The following MTMR3 variants were observed in gnomAD, a reference collection of about 807,000 sequenced individuals.
MTMR3 encodes myotubularin related protein 3.
Under a neutral mutation model 132.4 loss-of-function variants are expected in MTMR3, and 32 were observed. That is an observed-to-expected ratio of 0.24 (90% CI 0.18 to 0.32). MTMR3 has a LOEUF of 0.32. Among genes scored for constraint, MTMR3 ranks in the 10% least tolerant of loss-of-function variants. The probability of loss-of-function intolerance (pLI) is 1.00; values close to 1 mark genes in which losing one functional copy is unlikely to be tolerated. For synonymous variants in MTMR3, 556 were observed against 550.3 expected (o/e 1.01, Z -0.14); for missense variants, 1,216 against 1,489.6 (o/e 0.82, Z 3.02).
Position 29,991,764 on chromosome 22 carries a change from A to C in MTMR3, c.460+94A>C, listed in dbSNP as rs759973595. On this transcript the variant is annotated intron_variant, in intron 7 of 19. Transcript: ENST00000401950. ...TGAAATGGGACACCTAAGCATTCAT[A>C]TATCAATCAGTGTATATTTTAAGGA... 6.7e-5 allele frequency: 87 copies of C among 1,305,072 alleles called. 3 individuals are homozygous for C. In the Middle Eastern group the frequency reaches 0.011, roughly 164 times the overall value. The allele number at this position is 1,305,072 out of a possible 1,614,324, so 80.8% of individuals were successfully genotyped here. A position where few individuals can be genotyped will look rare whatever the true frequency, so the allele number is the denominator to read the frequency against.
intron 1 of MTMR3, among the ~76,000 whole-genome samples, chr22:29,915,206 TATA>T (rs1453236758): frequency 1.3e-5 from 2 of 152,224 alleles, no homozygotes; most frequent in Non-Finnish European, 2.9e-5. Flanking sequence ...TTCATTCTTT[TATA>T]ATGACTTGTC....
chr22:30,023,528 A>T (rs1426081975), intron 19 of MTMR3: 14 of 1,608,296 alleles, frequency 8.7e-6, no homozygotes, highest in Non-Finnish European at 1.2e-5. Flanking sequence ...CACATCTACA[A>T]TAACTTCTCC....
chr22:29,926,273 C>T (rs1012165160), intron 1 of MTMR3, among the ~76,000 whole-genome samples: 15 of 151,970 alleles, frequency 9.9e-5, no homozygotes, highest in Admixed American at 6.6e-4. Context: ...ATGGATATAC[C>T]ACATTTTGTT....
intron 1 of MTMR3, among the ~76,000 whole-genome samples, chr22:29,947,226 A>T (rs190163018): frequency 9.2e-4 from 140 of 152,230 alleles, no homozygotes; most frequent in African/African-American, 3.3e-3. Context: ...AATGATTTTT[A>T]TGTTGGAAAA....
intron 14 of MTMR3, chr22:30,014,222 C>A (rs962745302): frequency 9.2e-5 from 14 of 152,234 alleles, no homozygotes; most frequent in African/African-American, 3.4e-4. Context: ...AAACCCACTT[C>A]AATCAGGCAT....
At chr22:29,945,036 C>T (rs1165525091) in intron 1 of MTMR3, among the ~76,000 whole-genome samples, 1 of 152,156 alleles carries the variant, frequency 6.6e-6, no homozygotes, top group East Asian at 1.9e-4. Context: ...ATTTTTTAGA[C>T]AGGGTCTCCT....
chr22:30,015,048 C>G (rs747106184), intron 14 of MTMR3: 4 of 152,034 alleles, frequency 2.6e-5, no homozygotes, highest in Non-Finnish European at 5.9e-5. Flanking sequence ...AAATTCAAAA[C>G]TTGATGCTTC....
At chr22:29,937,742 A>G (rs1284404738) in intron 1 of MTMR3, among the ~76,000 whole-genome samples, 1 of 152,202 alleles carries the variant, frequency 6.6e-6, no homozygotes, top group Non-Finnish European at 1.5e-5. Context: ...GAGAAAAATA[A>G]ATTTAGAAAA....
At chr22:29,992,107 T>C in intron 7 of MTMR3, 1 of 153,634 alleles carries the variant, frequency 6.5e-6, no homozygotes, top group Non-Finnish European at 1.4e-5. Flanking sequence ...TGAGACGGAG[T>C]TTCGCTCTTG....
At chr22:30,023,331 T>C in intron 19 of MTMR3, 2 of 936,504 alleles carry the variant, frequency 2.1e-6, no homozygotes, top group Non-Finnish European at 3.5e-6. Flanking sequence ...AGTGGGTGGA[T>C]TGAAAATGGA....
intron 1 of MTMR3, among the ~76,000 whole-genome samples, chr22:29,889,566 C>T (rs2064751514): frequency 6.6e-6 from 1 of 151,688 alleles, no homozygotes; most frequent in African/African-American, 2.4e-5. Context: ...GGATTACAGG[C>T]GTGAGCCACT....
intron 1 of MTMR3, among the ~76,000 whole-genome samples, chr22:29,888,678 A>T (rs2064727554): frequency 6.6e-6 from 1 of 151,554 alleles, no homozygotes; most frequent in Non-Finnish European, 1.5e-5. Flanking sequence ...AACTACGGAT[A>T]TTCAGAATGA....
intron 2 of MTMR3, among the ~76,000 whole-genome samples, chr22:29,967,834 C>T (rs2066458265): frequency 6.6e-6 from 1 of 151,840 alleles, no homozygotes; most frequent in Admixed American, 6.6e-5. Flanking sequence ...CAGGTTCTCT[C>T]ATTTAGCATA....
At chr22:30,015,784 C>CTCTAGGTTCATT (rs1742399829) in intron 14 of MTMR3, 1 of 152,200 alleles carries the variant, frequency 6.6e-6, no homozygotes, top group Non-Finnish European at 1.5e-5. Flanking sequence ...GAGGTTACCT[C>CTCTAGGTTCATT]TCTAGGTTCA....
intron 5 of MTMR3, chr22:29,979,433 A>G: frequency 4.4e-6 from 1 of 227,640 alleles, no homozygotes; most frequent in South Asian, 5.5e-5. Context: ...TGGAGCTGGC[A>G]GTGAGCCAAG....
intron 6 of MTMR3, chr22:29,990,736 AC>A (rs1339762891): frequency 2.0e-5 from 3 of 152,086 alleles, no homozygotes; most frequent in Non-Finnish European, 2.9e-5. Flanking sequence ...GCACGCCACC[AC>A]ACCTGGCTAA....
chr22:30,025,636 TGGGAAC>T lies in MTMR3; in HGVS notation c.3434_3439del (p.Gly1145_Asn1146del). ...TGTTTCTTCTCATCTCAAGGAATTG[TGGGAAC>T]GTATTCTGCTCCAGTTGTTGTAACC... On this transcript the variant is annotated inframe_deletion, in exon 20 of 20. Transcript: ENST00000401950. 1 of 1,614,214 alleles carries T rather than the reference TGGGAAC, an allele frequency of 6.2e-7. No individual in the cohort carries two copies. The highest frequency in any genetic ancestry group is 2.2e-5 in the East Asian group (1 of 44,890).
At chr22:29,973,386 A>G (rs1169372469) in intron 3 of MTMR3, among the ~76,000 whole-genome samples, 1 of 152,196 alleles carries the variant, frequency 6.6e-6, no homozygotes, top group Non-Finnish European at 1.5e-5. Context: ...TTCTTGTTTC[A>G]TTTGACCTCT....
At chr22:30,003,067 C>A in intron 9 of MTMR3, 74 bp downstream of exon 9, 2 of 1,188,546 alleles carry the variant, frequency 1.7e-6, no homozygotes, top group Admixed American at 1.7e-5. Context: ...GCCTCTGCTG[C>A]TGCTAACCTG....
Sources: gnomAD v4.1 joint callset for allele counts (sites outside exome capture counted in the v4.1 genomes callset) on GRCh38, gnomAD v4.1.1 for gene constraint, MANE v1.5 for transcripts, NCBI Gene and HGNC (gene_info 2026-07-23, HGNC 2026-07-21) for gene names.